SPIRE1: variants seen among roughly 807,000 people sequenced by gnomAD.
SPIRE1 encodes the protein protein spire homolog 1.
Under a neutral mutation model 94.1 loss-of-function variants are expected in SPIRE1, and 40 were observed. The ratio of observed to expected loss-of-function variants is 0.43; its 90% confidence interval spans 0.33 to 0.55. SPIRE1 has a LOEUF of 0.55. Ranked by LOEUF, SPIRE1 falls within the 20% of genes least tolerant of loss-of-function variation. The pLI, the probability that SPIRE1 is intolerant of heterozygous loss-of-function variation, is 0.06. For synonymous variants in SPIRE1, 376 were observed against 371.7 expected (o/e 1.01, Z -0.13); for missense variants, 838 against 975.2 (o/e 0.86, Z 1.87).
intron 2 of SPIRE1, among the ~76,000 whole-genome samples, chr18:12,587,710 A>T (rs919640490): frequency 6.6e-6 from 1 of 152,066 alleles, no homozygotes; most frequent in Non-Finnish European, 1.5e-5. Flanking sequence ...GATTTTTCCT[A>T]CCCAGTGATT....
intron 1 of SPIRE1, among the ~76,000 whole-genome samples, chr18:12,638,456 T>C (rs1242538211): frequency 3.3e-5 from 5 of 152,094 alleles, no homozygotes. Flanking sequence ...AAACCATTAA[T>C]TAATTAATTA....
intron 2 of SPIRE1, among the ~76,000 whole-genome samples, chr18:12,622,421 C>T (rs866192030): frequency 2.3e-4 from 26 of 114,848 alleles, no homozygotes; most frequent in East Asian, 2.9e-4. Context: ...TATGTCCAGT[C>T]TTTTTTTTTT....
chr18:12,639,121 CA>C (rs910274673), intron 1 of SPIRE1, among the ~76,000 whole-genome samples: 13 of 149,516 alleles, frequency 8.7e-5, no homozygotes, highest in Admixed American at 1.3e-4. Flanking sequence ...ATGCATTCCT[CA>C]AAAAAAATTT....
intron 1 of SPIRE1, among the ~76,000 whole-genome samples, chr18:12,650,505 T>C (rs1375174988): frequency 6.6e-6 from 1 of 151,710 alleles, no homozygotes; most frequent in Non-Finnish European, 1.5e-5. Flanking sequence ...GGTCAGGAGT[T>C]CGAGACCATC....
At chr18:12,458,478 G>A (rs1173485380) in intron 12 of SPIRE1, among the ~76,000 whole-genome samples, 1 of 151,998 alleles carries the variant, frequency 6.6e-6, no homozygotes, top group Non-Finnish European at 1.5e-5. Flanking sequence ...GCCGGGCGTG[G>A]TGGCAGATGC....
intron 12 of SPIRE1, 39 bp downstream of exon 12, chr18:12,463,312 C>A: frequency 6.5e-7 from 1 of 1,548,874 alleles, no homozygotes; most frequent in Non-Finnish European, 8.7e-7. Flanking sequence ...TGTCTTCTAG[C>A]TGGTCCCTAA....
At chr18:12,502,052 G>C (rs1399268228) in intron 6 of SPIRE1, among the ~76,000 whole-genome samples, 1 of 152,122 alleles carries the variant, frequency 6.6e-6, no homozygotes, top group Non-Finnish European at 1.5e-5. Flanking sequence ...ACAGTTCTTT[G>C]TCATTCTATC....
At chr18:12,619,103 C>G (rs919883624) in intron 2 of SPIRE1, among the ~76,000 whole-genome samples, 3 of 151,972 alleles carry the variant, frequency 2.0e-5, no homozygotes, top group Admixed American at 6.6e-5. Flanking sequence ...AGGCTGGTCT[C>G]GAACTCCCAC....
At chr18:12,522,170 C>CAT (rs2034383245) in intron 4 of SPIRE1, among the ~76,000 whole-genome samples, 1 of 152,154 alleles carries the variant, frequency 6.6e-6, no homozygotes, top group Admixed American at 6.5e-5. Context: ...AAAGGACAAG[C>CAT]TCTTAAAGGA....
In SPIRE1 at chr18:12,546,688, T is replaced by C. The variant is rs1301050963; in HGVS notation, c.589A>G (p.Arg197Gly). Reference sequence around the variant, plus strand: ...CGCTGCCTTACCTTCATGACATCTCTATATGACCGAATAGCTGAGATTTTT... The same window carrying C: ...CGCTGCCTTACCTTCATGACATCTCCATATGACCGAATAGCTGAGATTTTT... Reference protein sequence around the residue: ...KRKISAIRSYRDVMKLCAAHL... With the variant: ...KRKISAIRSYGDVMKLCAAHL... The change falls in exon 3 of 17, where the codon AGA becomes GGA. Residue 197 changes from arginine (R) to glycine (G), a missense_variant. Around this residue, in one of 2 missense-constraint regions of SPIRE1, gnomAD observed 645 missense variants for 804.7 expected, o/e 0.80. Transcript: ENST00000409402. 1.9e-6 allele frequency: 3 copies of C among 1,613,362 alleles called. No homozygotes were observed. The highest frequency in any genetic ancestry group is 2.5e-6 in the Non-Finnish European group (3 of 1,179,454).
chr18:12,574,793 G>A (rs895573005), intron 2 of SPIRE1, among the ~76,000 whole-genome samples: 1 of 152,210 alleles, frequency 6.6e-6, no homozygotes, highest in Non-Finnish European at 1.5e-5. Flanking sequence ...GACTGTAAAG[G>A]AGCAACAGTG....
chr18:12,509,454 A>G (rs1484183034), intron 5 of SPIRE1, among the ~76,000 whole-genome samples: 1 of 152,234 alleles, frequency 6.6e-6, no homozygotes, highest in Non-Finnish European at 1.5e-5. Flanking sequence ...TTATTGGCCA[A>G]GATGATATAC....
At chr18:12,526,110 C>T (rs1478081753) in intron 4 of SPIRE1, among the ~76,000 whole-genome samples, 1 of 135,138 alleles carries the variant, frequency 7.4e-6, no homozygotes, top group Non-Finnish European at 1.6e-5. Context: ...TATCTGATGC[C>T]TGCAGAAAGC....
At chr18:12,458,624 A>C (rs1027329103) in intron 12 of SPIRE1, among the ~76,000 whole-genome samples, 18 of 152,116 alleles carry the variant, frequency 1.2e-4, no homozygotes, top group African/African-American at 4.3e-4. Context: ...AAAAAAAACA[A>C]AAACAAACAA....
chr18:12,535,986 C>T (rs1198820145), intron 3 of SPIRE1, among the ~76,000 whole-genome samples: 4 of 151,978 alleles, frequency 2.6e-5, no homozygotes, highest in Admixed American at 2.0e-4. Context: ...AAAACAGACA[C>T]ACCCCCATAT....
At chr18:12,653,717 G>C (rs957756781) in intron 1 of SPIRE1, among the ~76,000 whole-genome samples, 2 of 152,144 alleles carry the variant, frequency 1.3e-5, no homozygotes, top group Non-Finnish European at 2.9e-5. Context: ...GGAGGCCAAG[G>C]CTGGTGGATC....
chr18:12,605,375 A>G (rs922445525), intron 2 of SPIRE1, among the ~76,000 whole-genome samples: 3 of 152,120 alleles, frequency 2.0e-5, no homozygotes, highest in South Asian at 4.2e-4. Context: ...GTGTGGTGGC[A>G]CGCACCTGTA....
intron 6 of SPIRE1, among the ~76,000 whole-genome samples, chr18:12,500,733 T>C (rs932289162): frequency 5.9e-5 from 9 of 151,988 alleles, no homozygotes; most frequent in Admixed American, 3.3e-4. Context: ...CAAATGTCCA[T>C]TTGGGTCATG....
At position 12,449,272 on chromosome 18, in the gene SPIRE1, C is replaced by T. The variant is rs1156573146; in HGVS notation, c.*366G>A. 4.1e-6 allele frequency: 1 copy of T among 241,036 alleles called. No individual in the cohort carries two copies. Among genetic ancestry groups the T allele is most frequent in the East Asian group, 1.1e-4 (1 of 9,196 alleles). The allele number at this position is 241,036 out of a possible 1,614,324, so 14.9% of individuals were successfully genotyped here. On this transcript the variant is annotated 3_prime_UTR_variant, in exon 17 of 17. Coordinates refer to ENST00000409402, the MANE Select transcript of SPIRE1 (RefSeq NM_001128626.2). ...CTTAGGGCTGTGCTGACATCGGCAT[C>T]TCTGTTAGACTGATTCTCGTAGGAG...
Sources: gnomAD v4.1 joint callset for allele counts (sites outside exome capture counted in the v4.1 genomes callset) on GRCh38, gnomAD v4.1.1 for gene constraint, gnomAD v4.1.1 regional missense constraint, MANE v1.5 for transcripts, NCBI Gene and HGNC (gene_info 2026-07-23, HGNC 2026-07-21) for gene names.